ACTR8: variants seen among roughly 807,000 people sequenced by gnomAD.
ACTR8 encodes actin-related protein 8.
Under a neutral mutation model 84.3 loss-of-function variants are expected in ACTR8, and 70 were observed. The ratio of observed to expected loss-of-function variants is 0.83; its 90% CI spans 0.68 to 1.01. The LOEUF (loss-of-function observed/expected upper bound fraction) is 1.01, where lower values mean the gene tolerates loss of function less well. Among genes scored for constraint, ACTR8 ranks in the 50% least tolerant of loss-of-function variants. The pLI, the probability that ACTR8 is intolerant of heterozygous loss-of-function variation, is 0.00. For missense variants in ACTR8, 672 were observed against 775.4 expected (o/e 0.87, Z 1.58); for synonymous variants, 268 against 275.2 (o/e 0.97, Z 0.26).
rs767975538 is a variant in ACTR8, at chr3:53,880,097, T to G, written c.136A>C (p.Asn46His). 8 of 1,613,788 alleles carry G rather than the reference T, an allele frequency of 5.0e-6. No individual in the cohort carries two copies. In the South Asian group the frequency reaches 5.5e-5, roughly 11 times the overall value. Residue 46 changes from asparagine to histidine, a missense_variant, in exon 2 of 13, where the codon AAC becomes CAC. Transcript: ENST00000335754. Reference sequence around the variant, plus strand: ...CCTGGATGTATGACAATGATGAAGTTGCTCTGGATTTGCTGCAGATATAAA... The same window carrying G: ...CCTGGATGTATGACAATGATGAAGTGGCTCTGGATTTGCTGCAGATATAAA... ...PESLQEQIQSNFIIVIHPGST... is the reference protein window; with the variant it reads ...PESLQEQIQSHFIIVIHPGST...
At position 53,871,405 on chromosome 3, in the gene ACTR8, C is replaced by G; in HGVS notation, c.1394G>C (p.Arg465Thr). The G allele has an allele frequency of 6.2e-7, 1 of 1,614,242 alleles. No individual in the cohort carries two copies. ...LRGQSSDLPE[R>T]LHSQEVDLGS... Reference sequence around the variant, plus strand: ...CAAATCTACCTCCTGGGAATGGAGTCTTTCTGGAAGATCAGAGGACTGGCC... The same window carrying G: ...CAAATCTACCTCCTGGGAATGGAGTGTTTCTGGAAGATCAGAGGACTGGCC... The change falls in exon 11 of 13, where the codon AGA (arginine) becomes ACA (threonine). Residue 465 changes from arginine to threonine, a missense_variant. Transcript: ENST00000335754.
intron 2 of ACTR8, among the ~76,000 whole-genome samples, chr3:53,878,971 T>A (rs1700018678): frequency 6.6e-6 from 1 of 152,232 alleles, no homozygotes; most frequent in South Asian, 2.1e-4. Flanking sequence ...ACTTCATGTT[T>A]AAAAAATATT....
In ACTR8 at chr3:53,882,104, T is replaced by A. The variant is rs371698089; in HGVS notation, c.-3A>T. 3.2e-6 allele frequency: 5 copies of A among 1,551,424 alleles called. No homozygotes were observed. Among genetic ancestry groups the A allele is most frequent in the Non-Finnish European group, 4.4e-6 (5 of 1,146,772 alleles). Reference sequence around the variant, plus strand: ...TCACCCTTCTCAGCCTGGGTCATTATGGCCGGAGACACCCACCAACCTCTC... The same window carrying A: ...TCACCCTTCTCAGCCTGGGTCATTAAGGCCGGAGACACCCACCAACCTCTC... On this transcript the variant is annotated 5_prime_UTR_variant, in exon 1 of 13. Coordinates refer to ENST00000335754, the MANE Select transcript of ACTR8 (RefSeq NM_022899.5).
At chr3:53,880,255 A>G in intron 1 of ACTR8, 146 bp from the exon 2 acceptor site, 1 of 767,164 alleles carries the variant, frequency 1.3e-6, no homozygotes, top group Non-Finnish European at 2.1e-6. Context: ...GTATCCAATT[A>G]CCGCTCTCTA....
intron 11 of ACTR8, 79 bp downstream of exon 11, chr3:53,871,153 G>C: frequency 6.5e-7 from 1 of 1,536,798 alleles, no homozygotes; most frequent in Non-Finnish European, 8.9e-7. Flanking sequence ...TACTGCACAA[G>C]TATATCCTAG....
chr3:53,860,019 A>G, the ACTR8 span: 1 of 783,608 alleles, frequency 1.3e-6, no homozygotes, highest in Non-Finnish European at 2.0e-6. Context: ...CAAAACTAAA[A>G]AATAATAAAA....
At chr3:53,863,920 T>C (rs957334451), downstream of ACTR8, among the ~76,000 whole-genome samples, 2 of 151,086 alleles carry the variant, frequency 1.3e-5, no homozygotes, top group African/African-American at 4.9e-5. Context: ...CCTCCTGAGC[T>C]CAAGTGAACC....
At chr3:53,871,823 TG>T (rs1363824171) in intron 10 of ACTR8, among the ~76,000 whole-genome samples, 1 of 152,208 alleles carries the variant, frequency 6.6e-6, no homozygotes, top group African/African-American at 2.4e-5. Context: ...AGTATTCCAG[TG>T]GGATTCATGG....
intron 8 of ACTR8, among the ~76,000 whole-genome samples, chr3:53,873,803 A>G (rs1699925226): frequency 6.6e-6 from 1 of 152,078 alleles, no homozygotes; most frequent in African/African-American, 2.4e-5. Context: ...AAGGCATTAT[A>G]ATGCTGTTAC....
chr3:53,865,377 T>C, downstream of ACTR8: 1 of 1,270,598 alleles, frequency 7.9e-7, no homozygotes, highest in Non-Finnish European at 1.1e-6. Flanking sequence ...AAACGTGTGA[T>C]GATCCTGAAG....
downstream of ACTR8, among the ~76,000 whole-genome samples, chr3:53,864,483 C>T (rs949034639): frequency 2.0e-5 from 3 of 151,906 alleles, no homozygotes; most frequent in African/African-American, 4.8e-5. Flanking sequence ...TGTAGTCAGC[C>T]GAGGTCACGC....
At chr3:53,867,046 G>A (rs1699800606), downstream of ACTR8, 1 of 152,232 alleles carries the variant, frequency 6.6e-6, no homozygotes, top group East Asian at 1.9e-4. Context: ...TGGACGCTTA[G>A]TAATGGCTGA....
chr3:53,873,212 A>G lies in ACTR8; in HGVS notation c.1066-85T>C, dbSNP rs1699915197. ...TTATGCTTCAGCCTCACCATCATCT[A>G]AATATCACCTATAAAAAGGCCAACC... On this transcript the variant is annotated intron_variant, in intron 8 of 12. Coordinates refer to ENST00000335754, the MANE Select transcript of ACTR8 (RefSeq NM_022899.5). 7 of 1,054,378 alleles carry G rather than the reference A, an allele frequency of 6.6e-6. No individual in the cohort carries two copies. In the South Asian group the frequency reaches 1.0e-4, roughly 15 times the overall value. 65.3% of individuals were successfully genotyped at this position (1,054,378 alleles called of 1,614,324 possible). A position where few individuals can be genotyped will look rare whatever the true frequency, so the allele number is the denominator to read the frequency against.
intron 2 of ACTR8, 26 bp downstream of exon 2, chr3:53,879,913 T>G (rs776625738): frequency 6.3e-7 from 1 of 1,589,150 alleles, no homozygotes; most frequent in African/African-American, 1.3e-5. Context: ...ACCTTAGGCT[T>G]TCTCTCCAGG....
At position 53,868,044 on chromosome 3, in the gene ACTR8, T is replaced by C. The variant is rs1699821281; in HGVS notation, c.*675A>G. The C allele has an allele frequency of 6.6e-6, 1 of 152,182 alleles. No individual in the cohort carries two copies. Among genetic ancestry groups the C allele is most frequent in the Non-Finnish European group, 1.5e-5 (1 of 68,018 alleles). The allele number at this position is 152,182 out of a possible 1,614,324, so 9.4% of individuals were successfully genotyped here. ...CAGCATTTGTTCTGTTTTGGCCAAA[T>C]AAAAATTGTTTTCTTTCTTCCTCTA... On this transcript the variant is annotated 3_prime_UTR_variant, in exon 13 of 13. Coordinates refer to ENST00000335754, the MANE Select transcript of ACTR8 (RefSeq NM_022899.5).
At position 53,876,617 on chromosome 3, in the gene ACTR8, T is replaced by C. The variant is rs371619952; in HGVS notation, c.778+3A>G. ...ATAGGTTTCACTGGGATATCAGACA[T>C]ACCTGAAAAACCCATCTTCATTAGT... is the stretch of plus-strand genomic sequence containing the variant. On this transcript the variant is annotated splice_donor_region_variant and intron_variant, in intron 6 of 12. Transcript: ENST00000335754. 1.4e-5 allele frequency: 22 copies of C among 1,537,566 alleles called. No homozygotes were observed. The highest frequency in any genetic ancestry group is 1.9e-5 in the Non-Finnish European group (21 of 1,120,062).
chr3:53,874,332 G>A lies in ACTR8; in HGVS notation c.944C>T (p.Ser315Leu). ...LCLAYGGSDV[S>L]RCFYWLMQRA... ...CTGCATTAGCCAGTAAAAACATCTTGACACATCAGATCCTCCGTATGCCAG... is the reference window on the plus strand; with the variant it reads ...CTGCATTAGCCAGTAAAAACATCTTAACACATCAGATCCTCCGTATGCCAG... The change falls in exon 8 of 13, where the codon TCA (serine) becomes TTA (leucine). Residue 315 changes from serine to leucine, a missense_variant. Transcript: ENST00000335754. 1 of 1,614,118 alleles carries A rather than the reference G, an allele frequency of 6.2e-7. No homozygotes were observed. The highest frequency in any genetic ancestry group is 8.5e-7 in the Non-Finnish European group (1 of 1,180,010).
intron 9 of ACTR8, 131 bp from the exon 10 acceptor site, chr3:53,872,655 T>C: frequency 1.7e-6 from 2 of 1,150,140 alleles, no homozygotes; most frequent in Non-Finnish European, 2.4e-6. Context: ...CAATGTTCTC[T>C]TTCGGGAGTG....
At chr3:53,859,552 G>A in the ACTR8 span, 2 of 152,482 alleles carry the variant, frequency 1.3e-5, no homozygotes, top group African/African-American at 4.8e-5. Context: ...ATGTATGTCA[G>A]TCTAACAAGA....
Sources: gnomAD v4.1 joint callset for allele counts (sites outside exome capture counted in the v4.1 genomes callset) on GRCh38, gnomAD v4.1.1 for gene constraint, MANE v1.5 for transcripts, NCBI Gene and HGNC (gene_info 2026-07-23, HGNC 2026-07-21) for gene names.